KCNMA1: variants seen among roughly 807,000 people sequenced by gnomAD.
The protein encoded by KCNMA1 is Calcium-activated potassium channel subunit alpha-1.
Under a neutral mutation model 140.0 loss-of-function variants are expected in KCNMA1, and 29 were observed. The observed-to-expected ratio is 0.21, with a 90% CI of 0.15 to 0.28. The LOEUF (loss-of-function observed/expected upper bound fraction) is 0.28, where lower values mean the gene tolerates loss of function less well. Ranked by LOEUF, KCNMA1 falls within the 10% of genes least tolerant of loss-of-function variation. The probability of loss-of-function intolerance (pLI) is 1.00; values close to 1 mark genes in which losing one functional copy is unlikely to be tolerated. For missense variants in KCNMA1, 880 were observed against 1,602.2 expected (o/e 0.55, Z 7.70); for synonymous variants, 612 against 611.9 (o/e 1.00, Z 0.00).
At chr10:77,630,445 G>A (rs761137835) in intron 1 of KCNMA1, among the ~76,000 whole-genome samples, 3 of 152,118 alleles carry the variant, frequency 2.0e-5, no homozygotes, top group East Asian at 1.9e-4. Context: ...AATCCACAAC[G>A]CTGATGGGTT....
downstream of KCNMA1, chr10:76,876,032 G>T (rs1180381581): frequency 6.6e-6 from 1 of 152,532 alleles, no homozygotes; most frequent in Non-Finnish European, 1.5e-5. Context: ...CAATGCCTAC[G>T]AGGTGGAAGC....
intron 1 of KCNMA1, among the ~76,000 whole-genome samples, chr10:77,623,208 T>C (rs2091830226): frequency 6.6e-6 from 1 of 152,228 alleles, no homozygotes; most frequent in Non-Finnish European, 1.5e-5. Context: ...GAGATTTGCA[T>C]GATAACATTT....
chr10:77,400,341 A>G (rs2096222835), intron 2 of KCNMA1, among the ~76,000 whole-genome samples: 1 of 152,222 alleles, frequency 6.6e-6, no homozygotes, highest in Non-Finnish European at 1.5e-5. Flanking sequence ...GATTTTCTCC[A>G]AGGAGACCTT....
At chr10:76,961,994 A>G (rs2071688491) in intron 20 of KCNMA1, among the ~76,000 whole-genome samples, 1 of 152,250 alleles carries the variant, frequency 6.6e-6, no homozygotes, top group Admixed American at 6.5e-5. Context: ...GGATTCGCAG[A>G]GCAAGAAATG....
intron 22 of KCNMA1, among the ~76,000 whole-genome samples, chr10:76,948,224 A>G (rs146581459): frequency 6.5e-4 from 99 of 152,218 alleles, no homozygotes; most frequent in African/African-American, 2.2e-3. Context: ...CAGGCTGCTC[A>G]TGAACTCCTG....
chr10:76,988,824 T>TA (rs1262878143), intron 19 of KCNMA1, among the ~76,000 whole-genome samples: 1 of 152,182 alleles, frequency 6.6e-6, no homozygotes, highest in African/African-American at 2.4e-5. Context: ...ACAGCTGGGC[T>TA]AAAATCTAAG....
At chr10:77,153,665 C>T (rs1320590801) in intron 5 of KCNMA1, among the ~76,000 whole-genome samples, 2 of 152,100 alleles carry the variant, frequency 1.3e-5, no homozygotes, top group Non-Finnish European at 2.9e-5. Context: ...CCCAGCCTCA[C>T]CTCCTTTTTT....
At chr10:77,127,666 A>G (rs969602838) in intron 5 of KCNMA1, among the ~76,000 whole-genome samples, 6 of 152,044 alleles carry the variant, frequency 3.9e-5, no homozygotes, top group South Asian at 4.1e-4. Context: ...AAAGGGAGAG[A>G]ACGAGGGTAA....
At chr10:76,956,422 G>A (rs547684712) in intron 20 of KCNMA1, among the ~76,000 whole-genome samples, 53 of 152,128 alleles carry the variant, frequency 3.5e-4, no homozygotes, top group Middle Eastern at 6.8e-3. Context: ...ATCCTGGCCT[G>A]GACCATTTAA....
chr10:77,517,360 C>T (rs923015554), intron 1 of KCNMA1, among the ~76,000 whole-genome samples: 2 of 152,194 alleles, frequency 1.3e-5, no homozygotes, highest in African/African-American at 2.4e-5. Flanking sequence ...GCCTCTCAGG[C>T]CCCCTGGGCG....
intron 25 of KCNMA1, chr10:76,902,567 A>C (rs1248092469): frequency 2.6e-5 from 4 of 152,194 alleles, no homozygotes; most frequent in African/African-American, 9.7e-5. Flanking sequence ...GGGAACCCGC[A>C]TAGTCTAAGG....
intron 1 of KCNMA1, among the ~76,000 whole-genome samples, chr10:77,476,562 C>T (rs925956449): frequency 6.6e-6 from 1 of 152,224 alleles, no homozygotes; most frequent in African/African-American, 2.4e-5. Flanking sequence ...AGGTCCTGAG[C>T]GGGTCAGAGG....
intron 23 of KCNMA1, among the ~76,000 whole-genome samples, chr10:76,925,685 G>A (rs933576797): frequency 6.6e-6 from 1 of 152,088 alleles, no homozygotes; most frequent in African/African-American, 2.4e-5. Context: ...TTCAGCATTT[G>A]TCATGTAGTT....
At chr10:77,213,138 T>G (rs2046627430) in intron 3 of KCNMA1, among the ~76,000 whole-genome samples, 1 of 152,136 alleles carries the variant, frequency 6.6e-6, no homozygotes, top group South Asian at 2.1e-4. Context: ...TAATAACAGT[T>G]GAAATCCTAT....
At chr10:77,387,563 T>TTTTTTTCTTTTCTCTTTTCTTTTCTC (rs2095652448) in intron 2 of KCNMA1, among the ~76,000 whole-genome samples, 1 of 151,720 alleles carries the variant, frequency 6.6e-6, no homozygotes, top group Non-Finnish European at 1.5e-5. Flanking sequence ...TTCTTTTTCT[T>TTTTTTTCTTTTCTCTTTTCTTTTCTC]TTCTTTTCTT....
chr10:77,122,028 C>T (rs745332902), intron 5 of KCNMA1, among the ~76,000 whole-genome samples: 1 of 152,210 alleles, frequency 6.6e-6, no homozygotes, highest in Non-Finnish European at 1.5e-5. Context: ...CAGTGCGAAG[C>T]CCTCCAGTGC....
chr10:77,405,469 G>T (rs2096441284), intron 1 of KCNMA1, among the ~76,000 whole-genome samples: 1 of 152,178 alleles, frequency 6.6e-6, no homozygotes, highest in Non-Finnish European at 1.5e-5. Context: ...AGCTACAAAG[G>T]CTGGGTTTAG....
At chr10:77,205,756 A>G (rs565962784) in intron 3 of KCNMA1, among the ~76,000 whole-genome samples, 2 of 152,250 alleles carry the variant, frequency 1.3e-5, no homozygotes, top group South Asian at 4.1e-4. Flanking sequence ...GATTTTGATA[A>G]CCTGCTCCTT....
At chr10:77,117,019 G>A (rs2097490152) in intron 6 of KCNMA1, among the ~76,000 whole-genome samples, 3 of 152,030 alleles carry the variant, frequency 2.0e-5, no homozygotes, top group Non-Finnish European at 4.4e-5. Flanking sequence ...CTTTATCTTG[G>A]AGCCATTTCT....
Sources: allele counts gnomAD v4.1 joint callset (sites outside exome capture counted in the v4.1 genomes callset), GRCh38; gene constraint gnomAD v4.1.1; transcripts MANE v1.5; gene names NCBI Gene and HGNC (gene_info 2026-07-23, HGNC 2026-07-21).